The following FAT4 variants were observed in gnomAD, a reference collection of about 807,000 sequenced individuals.
The protein encoded by FAT4 is FAT atypical cadherin 4.
In FAT4, 84 loss-of-function variants were observed where a neutral mutation model predicts 303.9. The observed-to-expected ratio is 0.28, with a 90% CI of 0.23 to 0.33. The LOEUF is 0.33. Among genes scored for constraint, FAT4 ranks in the 10% least tolerant of loss-of-function variants. FAT4 has a pLI of 1.00. For synonymous variants in FAT4, 2,307 were observed against 2,298.8 expected (o/e 1.00, Z -0.10); for missense variants, 6,005 against 6,146.8 (o/e 0.98, Z 0.77).
chr4:125,416,651 T>G (rs1735086194), intron 7 of FAT4, 29 bp downstream of exon 7: 1 of 1,607,698 alleles, frequency 6.2e-7, no homozygotes, highest in East Asian at 2.2e-5. Context: ...TGTTCATTTG[T>G]AGATAATTTC....
intron 2 of FAT4, among the ~76,000 whole-genome samples, chr4:125,390,534 T>G (rs181604769): frequency 6.6e-6 from 1 of 152,346 alleles, no homozygotes; most frequent in Admixed American, 6.5e-5. Flanking sequence ...TTCCAGCATC[T>G]TGTTTCACTC....
intron 3 of FAT4, among the ~76,000 whole-genome samples, chr4:125,404,900 C>T (rs943364528): frequency 7.2e-5 from 11 of 151,836 alleles, no homozygotes; most frequent in African/African-American, 1.5e-4. Context: ...GGCAGGATTT[C>T]GTTTTGTTTT....
In FAT4 at chr4:125,468,803, C is replaced by A; in HGVS notation, c.12197C>A (p.Ala4066Asp). 1 of 1,609,686 alleles carries A rather than the reference C, an allele frequency of 6.2e-7. No individual in the cohort carries two copies. The highest frequency in any genetic ancestry group is 8.5e-7 in the Non-Finnish European group (1 of 1,176,726). Residue 4066 changes from alanine (A) to aspartate (D), a missense_variant, in exon 12 of 18, where the codon GCC becomes GAC. Coordinates refer to ENST00000394329, the MANE Select transcript of FAT4 (RefSeq NM_001291303.3). Reference sequence around the variant, plus strand: ...GATGGACATTTTCACACTGTGATTGCCAGGAGAGCAGGAATGGTAAGATAT... The same window carrying A: ...GATGGACATTTTCACACTGTGATTGACAGGAGAGCAGGAATGGTAAGATAT... The part of the protein sequence containing the change: ...VSDGHFHTVI[A>D]RRAGMAASLT...
intron 2 of FAT4, among the ~76,000 whole-genome samples, chr4:125,371,438 G>A (rs1370474509): frequency 6.6e-6 from 1 of 151,968 alleles, no homozygotes; most frequent in East Asian, 1.9e-4. Context: ...GAGTGGCTGT[G>A]AAGGGTGGCC....
At chr4:125,369,659 T>C (rs905339691) in intron 2 of FAT4, among the ~76,000 whole-genome samples, 2 of 152,210 alleles carry the variant, frequency 1.3e-5, no homozygotes, top group African/African-American at 2.4e-5. Flanking sequence ...TTTAAGTGTA[T>C]TATTCTGAGT....
At chr4:125,405,806 G>T (rs1734577910) in intron 3 of FAT4, among the ~76,000 whole-genome samples, 1 of 151,988 alleles carries the variant, frequency 6.6e-6, no homozygotes, top group Non-Finnish European at 1.5e-5. Flanking sequence ...CTGGCCACTT[G>T]TTGGCCATTT....
intron 7 of FAT4, among the ~76,000 whole-genome samples, chr4:125,417,328 C>A (rs1735115087): frequency 6.6e-6 from 1 of 152,074 alleles, no homozygotes; most frequent in East Asian, 1.9e-4. Context: ...TTAGGAGGAG[C>A]TTTCACTAGA....
intron 2 of FAT4, among the ~76,000 whole-genome samples, chr4:125,343,867 C>G (rs1454517006): frequency 6.6e-6 from 1 of 152,052 alleles, no homozygotes; most frequent in African/African-American, 2.4e-5. Flanking sequence ...TGAGATATTT[C>G]CAAAAGCATA....
chr4:125,486,498 A>C (rs773178155), intron 16 of FAT4, among the ~76,000 whole-genome samples: 12 of 152,154 alleles, frequency 7.9e-5, no homozygotes, highest in African/African-American at 2.9e-4. Context: ...GAACAGTGCC[A>C]CTGCATCCCC....
chr4:125,323,078 C>A (rs893091405), intron 2 of FAT4, among the ~76,000 whole-genome samples: 1 of 152,084 alleles, frequency 6.6e-6, no homozygotes, highest in Non-Finnish European at 1.5e-5. Flanking sequence ...TGAATACTTA[C>A]ATGAAAATAT....
chr4:125,326,758 C>G (rs976808806), intron 2 of FAT4, among the ~76,000 whole-genome samples: 1 of 152,136 alleles, frequency 6.6e-6, no homozygotes, highest in Non-Finnish European at 1.5e-5. Context: ...CATTTAAGGC[C>G]AGGCAAAGTG....
chr4:125,475,036 C>T (rs1434170808), intron 12 of FAT4, among the ~76,000 whole-genome samples: 1 of 151,914 alleles, frequency 6.6e-6, no homozygotes, highest in African/African-American at 2.4e-5. Flanking sequence ...TTGGATTAAC[C>T]CTGTCTGTGG....
chr4:125,489,787 A>G (rs969747800), intron 17 of FAT4, 114 bp from the exon 18 acceptor site: 18 of 776,492 alleles, frequency 2.3e-5, no homozygotes, highest in Non-Finnish European at 3.0e-5. Flanking sequence ...GTATTCATGT[A>G]TTCATATGAG....
chr4:125,386,234 G>A lies in FAT4; in HGVS notation c.5176-12550G>A, dbSNP rs544641084. On this transcript the variant is annotated intron_variant, in intron 2 of 17. Transcript: ENST00000394329. ...TTGAAACTGATCTAAATGTTTCACT[G>A]TTTGAAACTTAGAAAAGAAGCAGGC... Among the ~76,000 whole-genome samples the A allele has an allele frequency of 3.9e-5, 6 of 152,124 alleles. No homozygotes were observed. In the South Asian group the frequency reaches 1.2e-3, roughly 31 times the overall value.
At chr4:125,489,035 T>A (rs1472950086) in intron 17 of FAT4, among the ~76,000 whole-genome samples, 2 of 152,152 alleles carry the variant, frequency 1.3e-5, no homozygotes, top group African/African-American at 4.8e-5. Flanking sequence ...TATGGTAGAA[T>A]GATGCATTAA....
chr4:125,481,833 C>A, intron 16 of FAT4, 95 bp downstream of exon 16: 1 of 1,104,262 alleles, frequency 9.1e-7, no homozygotes, highest in South Asian at 1.4e-5. Flanking sequence ...CTTTTCTTTA[C>A]AACCCATTAG....
Position 125,415,464 on chromosome 4 carries a change from A to C in FAT4, c.6501A>C (p.Thr2167=). The stretch of plus-strand genomic sequence containing the variant: ...ATAAAGTGGAGATTAATGAAAACAC[A>C]CTTACTGGAACAGATATAATACAAG... ...ALYKVEINEN[T]LTGTDIIQVF... is the part of the protein sequence containing the mutation. The change falls in exon 6 of 18, where the codon ACA becomes ACC. Residue 2167 remains threonine (T), a synonymous_variant. Coordinates refer to ENST00000394329, the MANE Select transcript of FAT4 (RefSeq NM_001291303.3). 6.2e-7 allele frequency: 1 copy of C among 1,614,128 alleles called. No homozygotes were observed. The highest frequency in any genetic ancestry group is 1.1e-5 in the South Asian group (1 of 91,086).
chr4:125,316,642 C>CCACGCCCTG lies in FAT4; in HGVS notation c.232_240dup (p.His78_Leu80dup). 6.2e-7 allele frequency: 1 copy of CCACGCCCTG among 1,613,798 alleles called. No individual in the cohort carries two copies. The highest frequency in any genetic ancestry group is 1.3e-5 in the African/African-American group (1 of 75,042). ...GCTTCACCTACAGGCTCAGCGAAAG[C>CCACGCCCTG]CACGCCCTGTTTGCCATAAACAGTA... On this transcript the variant is annotated inframe_insertion, in exon 2 of 18. Coordinates refer to ENST00000394329, the MANE Select transcript of FAT4 (RefSeq NM_001291303.3). This position sits in a 1 kb window ranked among gnomAD's most constrained non-coding sequence, Gnocchi z 5.7.
intron 9 of FAT4, 107 bp downstream of exon 9, chr4:125,446,650 A>G: frequency 8.5e-7 from 1 of 1,176,772 alleles, no homozygotes; most frequent in Non-Finnish European, 1.1e-6. Context: ...ATATAGCCTA[A>G]TTTTGCAAAT....
Sources: allele counts gnomAD v4.1 joint callset (sites outside exome capture counted in the v4.1 genomes callset), GRCh38; gene constraint gnomAD v4.1.1; non-coding constraint Gnocchi (gnomAD v3.1); transcripts MANE v1.5; gene names NCBI Gene and HGNC (gene_info 2026-07-23, HGNC 2026-07-21).